Variants in PHACTR4 observed in about 807,000 individuals in gnomAD.
PHACTR4 encodes the protein phosphatase and actin regulator 4.
Under a neutral mutation model 72.7 loss-of-function variants are expected in PHACTR4, and 51 were observed. The ratio of observed to expected loss-of-function variants is 0.70; its 90% CI spans 0.56 to 0.89. The LOEUF (loss-of-function observed/expected upper bound fraction) is 0.89, where lower values mean the gene tolerates loss of function less well. PHACTR4 is among the 40% of genes least tolerant of loss of function. The pLI, the probability that PHACTR4 is intolerant of heterozygous loss-of-function variation, is 0.00. For missense variants in PHACTR4, 731 were observed against 861.8 expected, an observed-to-expected ratio of 0.85 and a Z score of 1.90; for synonymous variants, 255 against 302.5, an observed-to-expected ratio of 0.84 and a Z score of 1.63.
At chr1:28,422,275 G>C (rs1655557246) in intron 2 of PHACTR4, among the ~76,000 whole-genome samples, 1 of 151,606 alleles carries the variant, frequency 6.6e-6, no homozygotes, top group Admixed American at 6.6e-5. Context: ...AAATGCTTGG[G>C]GAAAAAATAA....
intron 2 of PHACTR4, among the ~76,000 whole-genome samples, chr1:28,429,240 C>T (rs532881286): frequency 6.6e-6 from 1 of 152,280 alleles, no homozygotes; most frequent in East Asian, 1.9e-4. Context: ...ACACTTCCTA[C>T]TAAGGATCTT....
chr1:28,487,226 C>T (rs1349833008), intron 9 of PHACTR4, among the ~76,000 whole-genome samples: 3 of 151,700 alleles, frequency 2.0e-5, no homozygotes, highest in African/African-American at 7.3e-5. Context: ...CTTAGCCGGG[C>T]ATGGTGGCAC....
At chr1:28,480,967 C>T (rs1272913052) in intron 9 of PHACTR4, among the ~76,000 whole-genome samples, 1 of 152,106 alleles carries the variant, frequency 6.6e-6, no homozygotes, top group African/African-American at 2.4e-5. Context: ...GGATTACAGG[C>T]ATGAGCCCCT....
At chr1:28,457,206 A>T in intron 2 of PHACTR4, 2 of 384,078 alleles carry the variant, frequency 5.2e-6, no homozygotes, top group East Asian at 1.5e-4. Flanking sequence ...AACCTCCATC[A>T]ATCAAGTGAA....
chr1:28,448,785 AC>A (rs1657706565), intron 2 of PHACTR4, among the ~76,000 whole-genome samples: 1 of 140,902 alleles, frequency 7.1e-6, no homozygotes, highest in Non-Finnish European at 1.5e-5. Context: ...AAAAAAAAAA[AC>A]CTGATAAGGT....
chr1:28,483,020 A>T (rs1660377153), intron 9 of PHACTR4, among the ~76,000 whole-genome samples: 1 of 151,714 alleles, frequency 6.6e-6, no homozygotes, highest in Non-Finnish European at 1.5e-5. Flanking sequence ...TCTAATAGAC[A>T]CTTTTTGGAT....
intron 1 of PHACTR4, among the ~76,000 whole-genome samples, chr1:28,391,969 A>G (rs1226461581): frequency 6.6e-6 from 1 of 152,120 alleles, no homozygotes; most frequent in African/African-American, 2.4e-5. Context: ...CTCACCACAA[A>G]GAAACGTAAT....
At chr1:28,474,384 C>T (rs1216989312) in intron 7 of PHACTR4, among the ~76,000 whole-genome samples, 12 of 151,720 alleles carry the variant, frequency 7.9e-5, no homozygotes, top group Admixed American at 3.9e-4. Flanking sequence ...ATTGGCCAGG[C>T]GTGGTGGCAC....
At chr1:28,380,591 G>A (rs921077814) in intron 1 of PHACTR4, among the ~76,000 whole-genome samples, 1 of 152,134 alleles carries the variant, frequency 6.6e-6, no homozygotes, top group Admixed American at 6.6e-5. Flanking sequence ...TGGAACATGT[G>A]ATATTTGTTT....
Position 28,480,684 on chromosome 1 carries a change from T to G in PHACTR4, c.1760+80T>G, listed in dbSNP as rs1660224929. 1.7e-5 allele frequency: 27 copies of G among 1,562,102 alleles called. No individual in the cohort carries two copies. The South Asian group carries it at 3.0e-4, about 17-fold the overall frequency. On this transcript the variant is annotated intron_variant, in intron 9 of 13. Transcript: ENST00000373839. ...AGATGTTGTTAGATGTGTTGTTTTTTTGTGTGTGTTTTGTTTCGTTTTCTG... is the reference window on the plus strand; with the variant it reads ...AGATGTTGTTAGATGTGTTGTTTTTGTGTGTGTGTTTTGTTTCGTTTTCTG...
At chr1:28,483,568 G>A (rs1451114828) in intron 9 of PHACTR4, among the ~76,000 whole-genome samples, 5 of 151,908 alleles carry the variant, frequency 3.3e-5, no homozygotes, top group African/African-American at 9.7e-5. Flanking sequence ...TTGGGAGGCC[G>A]AGGCGGGTGG....
intron 2 of PHACTR4, among the ~76,000 whole-genome samples, chr1:28,428,816 T>C (rs2124368742): frequency 6.6e-6 from 1 of 152,316 alleles, no homozygotes; most frequent in South Asian, 2.1e-4. Context: ...TTAGGTAGTC[T>C]TTGGAAATTT....
At position 28,369,887 on chromosome 1, in the gene PHACTR4, C is replaced by T. The variant is rs559322076; in HGVS notation, c.-39+62C>T. The T allele has an allele frequency of 4.5e-4, 187 of 412,874 alleles. 1 individual carries two copies. In the Middle Eastern group the frequency reaches 4.8e-3, roughly 11 times the overall value. The allele number at this position is 412,874 out of a possible 1,614,324, so 25.6% of individuals were successfully genotyped here. A position where few individuals can be genotyped will look rare whatever the true frequency, so the allele number is the denominator to read the frequency against. On this transcript the variant is annotated intron_variant, in intron 1 of 13. Coordinates refer to ENST00000373839, the MANE Select transcript of PHACTR4 (RefSeq NM_001048183.3). ...GCTCAGTATCAGGCTGCGGCCTCCT[C>T]TCAGGCTGCGGCCCCTTTCTTGGCT...
chr1:28,488,956 A>G lies in PHACTR4; in HGVS notation c.1761-214A>G, dbSNP rs556913186. On this transcript the variant is annotated intron_variant, in intron 9 of 13. Coordinates refer to ENST00000373839, the MANE Select transcript of PHACTR4 (RefSeq NM_001048183.3). ...ACTAGAATCCTGGCCACTTGTTTGC[A>G]TATACAGTTCCTTTTTATAATGTGA... Among the ~76,000 whole-genome samples the G allele has an allele frequency of 2.6e-5, 4 of 152,310 alleles. No homozygotes were observed. The East Asian group carries it at 7.7e-4, about 29-fold the overall frequency.
chr1:28,478,247 C>G (rs1660047036), intron 8 of PHACTR4, among the ~76,000 whole-genome samples: 1 of 152,166 alleles, frequency 6.6e-6, no homozygotes, highest in South Asian at 2.1e-4. Context: ...TTTTTCATGG[C>G]AGAATAATCT....
intron 1 of PHACTR4, among the ~76,000 whole-genome samples, chr1:28,375,840 T>C (rs10794516): frequency 0.38 from 58,126 of 152,046 alleles, 12,786 homozygotes; most frequent in African/African-American, 0.6. Flanking sequence ...GAGGCCGAGG[T>C]GGGTGGATCA....
At chr1:28,464,275 C>A (rs531864933) in intron 4 of PHACTR4, among the ~76,000 whole-genome samples, 1 of 152,276 alleles carries the variant, frequency 6.6e-6, no homozygotes, top group Non-Finnish European at 1.5e-5. Flanking sequence ...CCCCCATAAC[C>A]ATTTCTTATG....
Position 28,466,667 on chromosome 1 carries a change from C to T in PHACTR4, c.722C>T (p.Thr241Ile), listed in dbSNP as rs374954407. The T allele has an allele frequency of 1.2e-6, 2 of 1,614,066 alleles. No homozygotes were observed. Among genetic ancestry groups the T allele is most frequent in the African/African-American group, 1.3e-5 (1 of 75,060 alleles). Residue 241 changes from threonine (T) to isoleucine (I), a missense_variant, in exon 6 of 14, where the codon ACT becomes ATT. Thr to Ile is a moderately conservative substitution (Grantham distance 89). This residue lies in a region of PHACTR4 where 621 missense variants were observed against 676.6 expected (regional missense o/e 0.92). Coordinates refer to ENST00000373839, the MANE Select transcript of PHACTR4 (RefSeq NM_001048183.3). ...PRTLPAAPAS[T>I]NTTATPSLTH... ...ACTCTGCCTGCTGCTCCTGCCAGCA[C>T]TAACACTACTGCTACCCCAAGCCTC...
intron 1 of PHACTR4, among the ~76,000 whole-genome samples, chr1:28,379,880 C>T (rs546839109): frequency 2.6e-4 from 40 of 151,642 alleles, no homozygotes; most frequent in African/African-American, 9.2e-4. Context: ...TGAGCCACCG[C>T]GCCCAGCCTA....
Sources: gnomAD v4.1 joint callset for allele counts (sites outside exome capture counted in the v4.1 genomes callset) on GRCh38, gnomAD v4.1.1 for gene constraint, gnomAD v4.1.1 regional missense constraint, MANE v1.5 for transcripts, NCBI Gene and HGNC (gene_info 2026-07-23, HGNC 2026-07-21) for gene names.